The following C1QTNF7 variants were observed in gnomAD, a reference collection of about 807,000 sequenced individuals.
The protein encoded by C1QTNF7 is complement C1q tumor necrosis factor-related protein 7.
In C1QTNF7, 15 loss-of-function variants were observed where a neutral mutation model predicts 19.6. That is an observed-to-expected ratio of 0.76 (90% CI 0.51 to 1.18). The LOEUF (loss-of-function observed/expected upper bound fraction) is 1.18. Among genes scored for constraint, C1QTNF7 ranks in the 50% most tolerant of loss-of-function variants. C1QTNF7 has a pLI of 0.00. For synonymous variants in C1QTNF7, 142 were observed against 137.5 expected (o/e 1.03, Z -0.23); for missense variants, 324 against 359.7 (o/e 0.90, Z 0.80).
At chr4:15,397,106 A>T (rs1718812259) in intron 1 of C1QTNF7, among the ~76,000 whole-genome samples, 1 of 152,180 alleles carries the variant, frequency 6.6e-6, no homozygotes, top group African/African-American at 2.4e-5. Flanking sequence ...CAGATCTTGT[A>T]AGACTTGTTC....
chr4:15,442,279 C>T lies in C1QTNF7; in HGVS notation c.350C>T (p.Pro117Leu). Residue 117 changes from proline (P) to leucine (L), a missense_variant, in exon 3 of 3, where the codon CCA (proline) becomes CTA (leucine). Transcript: ENST00000444304. ...GAGGGAGAGAAAGGAGAAGTAGGTC[C>T]AATTGGTCCTCCTGGACCAAAGGGA... is the stretch of plus-strand genomic sequence containing the variant. ...GPEGEKGEVGPIGPPGPKGDR... is the reference protein window; with the variant it reads ...GPEGEKGEVGLIGPPGPKGDR... 6.2e-7 allele frequency: 1 copy of T among 1,614,006 alleles called. No homozygotes were observed. The highest frequency in any genetic ancestry group is 8.5e-7 in the Non-Finnish European group (1 of 1,180,016).
intron 1 of C1QTNF7, among the ~76,000 whole-genome samples, chr4:15,395,163 G>T (rs1395450924): frequency 6.6e-6 from 1 of 152,184 alleles, no homozygotes; most frequent in Non-Finnish European, 1.5e-5. Flanking sequence ...AAGCAAGACA[G>T]GGCAGGATAA....
chr4:15,363,096 G>A (rs1577236175), intron 1 of C1QTNF7, among the ~76,000 whole-genome samples: 1 of 152,140 alleles, frequency 6.6e-6, no homozygotes, highest in South Asian at 2.1e-4. Flanking sequence ...ATTAAATAAT[G>A]AAAATCTTAA....
At chr4:15,436,122 A>C (rs1712527133) in intron 2 of C1QTNF7, 141 bp downstream of exon 2, 2 of 1,219,358 alleles carry the variant, frequency 1.6e-6, no homozygotes, top group Non-Finnish European at 2.2e-6. Context: ...CTGAGCCCTT[A>C]CTAGGCTTCA....
At chr4:15,439,242 T>A (rs1037375958) in intron 2 of C1QTNF7, among the ~76,000 whole-genome samples, 1 of 152,222 alleles carries the variant, frequency 6.6e-6, no homozygotes, top group Non-Finnish European at 1.5e-5. Flanking sequence ...AGCTAGTCCA[T>A]GATTATCTAT....
chr4:15,341,276 T>G (rs1415423736), intron 1 of C1QTNF7, among the ~76,000 whole-genome samples: 2 of 152,222 alleles, frequency 1.3e-5, no homozygotes, highest in African/African-American at 4.8e-5. Context: ...AAGGCGAATT[T>G]CTCAGCCATT....
chr4:15,428,397 G>GT (rs887479113), intron 1 of C1QTNF7, among the ~76,000 whole-genome samples: 1 of 151,840 alleles, frequency 6.6e-6, no homozygotes, highest in Non-Finnish European at 1.5e-5. Context: ...AAATGTCAGG[G>GT]TTTTTTTTAA....
intron 2 of C1QTNF7, among the ~76,000 whole-genome samples, chr4:15,440,772 T>C (rs920003467): frequency 5.3e-5 from 8 of 152,076 alleles, no homozygotes; most frequent in Admixed American, 4.6e-4. Flanking sequence ...TACTGCATGG[T>C]GGTGGCAGTC....
chr4:15,404,405 A>C (rs1719119242), intron 1 of C1QTNF7, among the ~76,000 whole-genome samples: 1 of 152,200 alleles, frequency 6.6e-6, no homozygotes, highest in Admixed American at 6.5e-5. Context: ...CTCAGTCCTG[A>C]TTTTCACCAG....
chr4:15,362,796 G>GAC (rs1357978054), intron 1 of C1QTNF7, among the ~76,000 whole-genome samples: 1 of 152,128 alleles, frequency 6.6e-6, no homozygotes, highest in Admixed American at 6.5e-5. Context: ...TTTCACACTT[G>GAC]ACTATCTTTT....
At chr4:15,362,798 C>T (rs1717390288) in intron 1 of C1QTNF7, among the ~76,000 whole-genome samples, 1 of 152,210 alleles carries the variant, frequency 6.6e-6, no homozygotes, top group Non-Finnish European at 1.5e-5. Context: ...TCACACTTGA[C>T]TATCTTTTCA....
chr4:15,392,935 G>A (rs1577253679), intron 1 of C1QTNF7, among the ~76,000 whole-genome samples: 1 of 152,148 alleles, frequency 6.6e-6, no homozygotes, highest in Admixed American at 6.5e-5. Flanking sequence ...GAGACCCTGA[G>A]CTGGTCTGGG....
At chr4:15,424,216 A>G (rs537169630), upstream of C1QTNF7, among the ~76,000 whole-genome samples, 3 of 152,310 alleles carry the variant, frequency 2.0e-5, no homozygotes, top group South Asian at 6.2e-4. Flanking sequence ...TTTATATCCA[A>G]TACAATACTT....
At chr4:15,441,521 T>C (rs1229085633) in intron 2 of C1QTNF7, among the ~76,000 whole-genome samples, 1 of 152,214 alleles carries the variant, frequency 6.6e-6, no homozygotes, top group East Asian at 1.9e-4. Context: ...CTCTGAGAAA[T>C]AATATCATCA....
chr4:15,379,254 G>A (rs912616406), intron 1 of C1QTNF7, among the ~76,000 whole-genome samples: 1 of 152,162 alleles, frequency 6.6e-6, no homozygotes, highest in African/African-American at 2.4e-5. Flanking sequence ...GAGTTAATTT[G>A]CCTGTAGTGA....
chr4:15,442,745 C>T lies in C1QTNF7; in HGVS notation c.816C>T (p.Leu272=), dbSNP rs771855294. 1 of 1,614,012 alleles carries T rather than the reference C, an allele frequency of 6.2e-7. No individual in the cohort carries two copies. Among genetic ancestry groups the T allele is most frequent in the East Asian group, 2.2e-5 (1 of 44,876 alleles). ...GWADSLFSGF[L]LYVDTDYLDS... is the part of the protein sequence containing the mutation. Reference sequence around the variant, plus strand: ...CAGACAGCTTATTCTCCGGGTTTCTCTTATACGTTGACACAGATTACCTAG... The same window carrying T: ...CAGACAGCTTATTCTCCGGGTTTCTTTTATACGTTGACACAGATTACCTAG... Residue 272 remains leucine, a synonymous_variant, in exon 3 of 3, where the codon CTC becomes CTT. Coordinates refer to ENST00000444304, the MANE Select transcript of C1QTNF7 (RefSeq NM_031911.5).
chr4:15,435,796 C>A lies in C1QTNF7; in HGVS notation c.53C>A (p.Pro18His). The A allele has an allele frequency of 1.2e-6, 2 of 1,614,122 alleles. No homozygotes were observed. Among genetic ancestry groups the A allele is most frequent in the Non-Finnish European group, 1.7e-6 (2 of 1,180,022 alleles). The change falls in exon 2 of 3, where the codon CCC becomes CAC. Residue 18 changes from proline (P) to histidine (H), a missense_variant. Coordinates refer to ENST00000444304, the MANE Select transcript of C1QTNF7 (RefSeq NM_031911.5). ...TTTGCCATTTGTGCCAGTGGACAAC[C>A]CCGGGGTAATCAGTTGAAAGGAGAG... ...TSFAICASGQ[P>H]RGNQLKGENY...
intron 1 of C1QTNF7, among the ~76,000 whole-genome samples, chr4:15,432,308 C>T (rs1712349960): frequency 6.6e-6 from 1 of 152,220 alleles, no homozygotes; most frequent in African/African-American, 2.4e-5. Context: ...ACCCCGTGGT[C>T]TTCTTGCATC....
At chr4:15,406,354 G>A (rs910267980) in intron 1 of C1QTNF7, among the ~76,000 whole-genome samples, 4 of 152,158 alleles carry the variant, frequency 2.6e-5, no homozygotes, top group African/African-American at 9.7e-5. Flanking sequence ...TGCAAATTTG[G>A]GATAACAGGC....
Sources: gnomAD v4.1 joint callset for allele counts (sites outside exome capture counted in the v4.1 genomes callset) on GRCh38, gnomAD v4.1.1 for gene constraint, MANE v1.5 for transcripts, NCBI Gene and HGNC (gene_info 2026-07-23, HGNC 2026-07-21) for gene names.